The following NPHP1 variants were observed in gnomAD, a reference collection of about 807,000 sequenced individuals.
NPHP1 encodes the protein nephrocystin-1.
Under a neutral mutation model 90.4 loss-of-function variants are expected in NPHP1, and 70 were observed. The observed-to-expected ratio is 0.77, with a 90% CI of 0.64 to 0.95. The LOEUF (loss-of-function observed/expected upper bound fraction) is 0.95. Among genes scored for constraint, NPHP1 ranks in the 40% least tolerant of loss-of-function variants. The probability of loss-of-function intolerance (pLI) is 0.00; values close to 1 mark genes in which losing one functional copy is unlikely to be tolerated. For missense variants in NPHP1, 764 were observed against 795.9 expected, an observed-to-expected ratio of 0.96 and a Z score of 0.48; for synonymous variants, 256 against 271.7, an observed-to-expected ratio of 0.94 and a Z score of 0.57.
intron 2 of NPHP1, among the ~76,000 whole-genome samples, chr2:110,192,796 A>G (rs1389249203): frequency 1.3e-5 from 2 of 152,206 alleles, no homozygotes; most frequent in African/African-American, 2.4e-5. Context: ...CCATCAGACT[A>G]ACAGCTGACC....
chr2:110,147,636 T>A (rs547765890), intron 13 of NPHP1, among the ~76,000 whole-genome samples: 1 of 152,304 alleles, frequency 6.6e-6, no homozygotes, highest in East Asian at 1.9e-4. Context: ...CCAGTGAGCA[T>A]CTTTTCTCAC....
At chr2:110,186,569 G>A (rs573311450) in intron 2 of NPHP1, among the ~76,000 whole-genome samples, 44 of 152,198 alleles carry the variant, frequency 2.9e-4, no homozygotes, top group African/African-American at 8.4e-4. Flanking sequence ...TGTCTTCACC[G>A]GCACCCTCAC....
chr2:110,151,433 A>T (rs992777124), intron 11 of NPHP1, among the ~76,000 whole-genome samples: 1 of 152,194 alleles, frequency 6.6e-6, no homozygotes, highest in Non-Finnish European at 1.5e-5. Context: ...TGTTATGGCC[A>T]AAATTGACAT....
Position 110,184,326 on chromosome 2 carries a change from C to CA in NPHP1, c.144-4643dup, listed in dbSNP as rs1429479112. ...CTGGAACGACATGGAACACATCTGGCAATATGTCTATTCTAAGGACCAGCT... is the reference window on the plus strand; with the variant it reads ...CTGGAACGACATGGAACACATCTGGCAAATATGTCTATTCTAAGGACCAGCT... On this transcript the variant is annotated intron_variant, in intron 2 of 19. Transcript: ENST00000445609. 4.9e-6 allele frequency: 3 copies of CA among 611,260 alleles called. No individual in the cohort carries two copies. The Admixed American group carries it at 6.1e-5, about 12-fold the overall frequency. 37.9% of individuals were successfully genotyped at this position (611,260 alleles called of 1,614,324 possible).
chr2:110,183,209 C>T lies in NPHP1; in HGVS notation c.144-3525G>A, dbSNP rs1684031650. 2.0e-5 allele frequency among the ~76,000 whole-genome samples: 3 copies of T among 152,134 alleles called. No homozygotes were observed. In the South Asian group the frequency reaches 6.2e-4, roughly 31 times the overall value. On this transcript the variant is annotated intron_variant, in intron 2 of 19. Transcript: ENST00000445609. ...AAACAAAATCTCTGCAGCACTGTGACATGTTCATGATGGCCATGATGCCCA... is the reference window on the plus strand; with the variant it reads ...AAACAAAATCTCTGCAGCACTGTGATATGTTCATGATGGCCATGATGCCCA...
chr2:110,203,358 T>C (rs1036380990), intron 1 of NPHP1, among the ~76,000 whole-genome samples: 2 of 152,102 alleles, frequency 1.3e-5, no homozygotes, highest in Non-Finnish European at 2.9e-5. Context: ...AACCTCAGCA[T>C]AACACAGTGT....
intron 2 of NPHP1, among the ~76,000 whole-genome samples, chr2:110,190,624 C>A (rs994294754): frequency 2.6e-5 from 4 of 152,184 alleles, no homozygotes; most frequent in African/African-American, 9.6e-5. Flanking sequence ...CCTTGGCCAG[C>A]CCAGAAAGGG....
At chr2:110,128,795 A>C in intron 18 of NPHP1, 1 of 248,704 alleles carries the variant, frequency 4.0e-6, no homozygotes, top group East Asian at 9.7e-5. Flanking sequence ...CTCAACAGTT[A>C]TTTCAGACAG....
intron 2 of NPHP1, among the ~76,000 whole-genome samples, chr2:110,189,301 T>C (rs1684517658): frequency 1.3e-5 from 2 of 152,250 alleles, no homozygotes; most frequent in Middle Eastern, 6.8e-3. Flanking sequence ...CCAGAGTTTG[T>C]TCCTTCTGAC....
rs866664259 is a variant in NPHP1 at position 110,196,101 on chromosome 2, C to T, written c.143+5320G>A. Among the ~76,000 whole-genome samples the T allele has an allele frequency of 3.7e-4, 56 of 151,960 alleles. 1 individual carries two copies. The highest frequency in any genetic ancestry group is 6.9e-4 in the Non-Finnish European group (47 of 67,996). On this transcript the variant is annotated intron_variant, in intron 2 of 19. Coordinates refer to ENST00000445609, the MANE Select transcript of NPHP1 (RefSeq NM_001128178.3). ...TTCAGGACATAGGCATGGGCAAGGA[C>T]GTCATGTCTAAAACACCAAAAGCAA...
intron 2 of NPHP1, among the ~76,000 whole-genome samples, chr2:110,193,955 CCA>C (rs754638980): frequency 6.0e-4 from 92 of 152,146 alleles, no homozygotes; most frequent in Non-Finnish European, 9.7e-4. Context: ...TTCTTTGAAA[CCA>C]ACGAGAACAA....
intron 2 of NPHP1, among the ~76,000 whole-genome samples, chr2:110,185,672 G>C (rs1684235910): frequency 6.6e-6 from 1 of 152,154 alleles, no homozygotes. Flanking sequence ...CTGAGGACTG[G>C]GGCTGGGGTT....
In NPHP1 at chr2:110,165,111, G is replaced by A. The variant is rs886054755; in HGVS notation, c.669C>T (p.Gly223=). 2 of 1,613,340 alleles carry A rather than the reference G, an allele frequency of 1.2e-6. No individual in the cohort carries two copies. Among genetic ancestry groups the A allele is most frequent in the South Asian group, 2.2e-5 (2 of 91,066 alleles). The stretch of plus-strand genomic sequence containing the variant: ...CCACCGCCTCTACATCTTCTTCACT[G>A]CCCTCTTCACTTGACTCTTGGCCTT... ...EEEGQESSEE[G]SEEDVEAVDE... is the part of the protein sequence containing the mutation. Residue 223 remains glycine, a synonymous_variant, in exon 7 of 20, where the codon GGC becomes GGT. Transcript: ENST00000445609.
At chr2:110,141,660 T>A (rs1680639336) in intron 16 of NPHP1, among the ~76,000 whole-genome samples, 1 of 152,072 alleles carries the variant, frequency 6.6e-6, no homozygotes, top group Non-Finnish European at 1.5e-5. Flanking sequence ...GAGTGCAAAG[T>A]GCTACAGTCA....
chr2:110,183,653 C>A (rs1301727548), intron 2 of NPHP1, among the ~76,000 whole-genome samples: 1 of 152,118 alleles, frequency 6.6e-6, no homozygotes, highest in Non-Finnish European at 1.5e-5. Flanking sequence ...CAGATTCATA[C>A]AGCAAGTTCT....
chr2:110,160,143 A>G lies in NPHP1; in HGVS notation c.1067T>C (p.Leu356Pro). Residue 356 changes from leucine (L) to proline (P), a missense_variant, in exon 11 of 20, where the codon CTA becomes CCA. By Grantham distance (98) the Leu-to-Pro change is moderately conservative. Transcript: ENST00000445609. ...QVLSRHVRLC[L>P]FDGNKVLSNI... is the part of the protein sequence containing the mutation. ...TAACCTTACCTTATTACCATCAAATAGACAGAGGCGTACATGTCTGCTGAG... is the reference window on the plus strand; with the variant it reads ...TAACCTTACCTTATTACCATCAAATGGACAGAGGCGTACATGTCTGCTGAG... The G allele has an allele frequency of 6.2e-7, 1 of 1,613,206 alleles. No homozygotes were observed. Among genetic ancestry groups the G allele is most frequent in the Non-Finnish European group, 8.5e-7 (1 of 1,179,312 alleles).
intron 1 of NPHP1, among the ~76,000 whole-genome samples, chr2:110,201,700 C>T (rs774180536): frequency 6.6e-6 from 1 of 152,146 alleles, no homozygotes; most frequent in Non-Finnish European, 1.5e-5. Flanking sequence ...GTCAACCCAC[C>T]TTATGCCTTT....
intron 2 of NPHP1, chr2:110,185,157 A>T (rs1684198916): frequency 5.3e-6 from 3 of 568,642 alleles, no homozygotes; most frequent in Non-Finnish European, 1.1e-5. Flanking sequence ...ACGGTGCCTG[A>T]TCTATCCACA....
chr2:110,135,116 C>T (rs1003053931), intron 16 of NPHP1, among the ~76,000 whole-genome samples: 14 of 151,908 alleles, frequency 9.2e-5, no homozygotes, highest in South Asian at 6.2e-4. Flanking sequence ...AAAATCAACA[C>T]GTAAAAATCG....
Sources: gnomAD v4.1 joint callset for allele counts (sites outside exome capture counted in the v4.1 genomes callset) on GRCh38, gnomAD v4.1.1 for gene constraint, MANE v1.5 for transcripts, NCBI Gene and HGNC (gene_info 2026-07-23, HGNC 2026-07-21) for gene names.